CDKAL1: variants seen among roughly 807,000 people sequenced by gnomAD.
CDKAL1 encodes CDKAL1 threonylcarbamoyladenosine tRNA methylthiotransferase.
CDKAL1 carries 32 observed loss-of-function variants against 68.2 expected under a neutral mutation model. The observed-to-expected ratio is 0.47, with a 90% CI of 0.35 to 0.63. CDKAL1 has a LOEUF of 0.63. CDKAL1 is among the 30% of genes least tolerant of loss of function. The pLI is 0.00. For missense variants in CDKAL1, 606 were observed against 696.7 expected (o/e 0.87, Z 1.47); for synonymous variants, 234 against 244.3 (o/e 0.96, Z 0.39).
chr6:20,920,305 A>C (rs192553100), intron 9 of CDKAL1, among the ~76,000 whole-genome samples: 1 of 152,194 alleles, frequency 6.6e-6, no homozygotes, highest in Non-Finnish European at 1.5e-5. Flanking sequence ...CCTACAAGTA[A>C]GAAGTGCAGA....
chr6:20,788,445 C>T (rs1775764160), intron 8 of CDKAL1, among the ~76,000 whole-genome samples: 1 of 152,136 alleles, frequency 6.6e-6, no homozygotes, highest in South Asian at 2.1e-4. Flanking sequence ...GTGGCAGGAA[C>T]CTTAATCTTT....
chr6:20,577,866 A>G (rs2127685725), intron 4 of CDKAL1, among the ~76,000 whole-genome samples: 1 of 152,310 alleles, frequency 6.6e-6, no homozygotes, highest in Admixed American at 6.5e-5. Flanking sequence ...TATTAGTATC[A>G]TGGTATAAGC....
chr6:20,989,962 G>T (rs754879732), intron 10 of CDKAL1, among the ~76,000 whole-genome samples: 1 of 152,056 alleles, frequency 6.6e-6, no homozygotes, highest in African/African-American at 2.4e-5. Flanking sequence ...AATAAAATAG[G>T]CTCGGCGTGG....
chr6:20,788,501 T>C (rs773169408), intron 8 of CDKAL1, among the ~76,000 whole-genome samples: 7 of 152,204 alleles, frequency 4.6e-5, no homozygotes, highest in Admixed American at 6.5e-5. Context: ...GAGAAGGTAG[T>C]AGAATCTATA....
At chr6:20,593,569 T>C (rs1315975084) in intron 4 of CDKAL1, among the ~76,000 whole-genome samples, 5 of 151,824 alleles carry the variant, frequency 3.3e-5, no homozygotes, top group African/African-American at 9.7e-5. Context: ...CTTTTCTTCT[T>C]TATTAGTTTG....
At chr6:20,665,395 C>G (rs141739434) in intron 5 of CDKAL1, among the ~76,000 whole-genome samples, 23 of 152,202 alleles carry the variant, frequency 1.5e-4, no homozygotes, top group African/African-American at 5.5e-4. Context: ...CACAAATATA[C>G]TAGAAGACCT....
chr6:20,862,567 C>G (rs376577487), intron 9 of CDKAL1, among the ~76,000 whole-genome samples: 24 of 152,224 alleles, frequency 1.6e-4, no homozygotes, highest in African/African-American at 5.1e-4. Context: ...AAAGGAGGAA[C>G]AGGAAAAAAT....
rs142988502 is a variant in CDKAL1 at position 20,625,034 on chromosome 6, T to C, written c.287-24259T>C. On this transcript the variant is annotated intron_variant, in intron 4 of 15. Transcript: ENST00000274695. ...GTGATTTCCCAGAATACCTAGCACA[T>C]ATAATTCAAAAAGACAATATTTGTC... 9.5e-3 allele frequency among the ~76,000 whole-genome samples: 1,452 copies of C among 152,150 alleles called. 19 individuals carry two copies. Among genetic ancestry groups the C allele is most frequent in the African/African-American group, 0.031 (1,292 of 41,538 alleles).
chr6:21,063,032 A>T (rs566455338), intron 11 of CDKAL1, among the ~76,000 whole-genome samples: 1 of 152,264 alleles, frequency 6.6e-6, no homozygotes, highest in South Asian at 2.1e-4. Context: ...CTCCTGCCTC[A>T]GCCACCCGAA....
At chr6:20,845,192 T>C (rs1778332321) in intron 8 of CDKAL1, among the ~76,000 whole-genome samples, 1 of 152,218 alleles carries the variant, frequency 6.6e-6, no homozygotes, top group African/African-American at 2.4e-5. Flanking sequence ...TTGTGTACTA[T>C]GGTCTTTTTA....
chr6:21,159,350 T>C, intron 13 of CDKAL1, among the ~76,000 whole-genome samples: 1 of 152,192 alleles, frequency 6.6e-6, no homozygotes, highest in Middle Eastern at 3.2e-3. Flanking sequence ...CCTCTTCTTT[T>C]GCTTGGACTA....
chr6:21,034,209 A>G lies in CDKAL1; in HGVS notation c.1056-30839A>G, dbSNP rs1467045363. Reference sequence around the variant, plus strand: ...AGTTCTAGAAGAATGGGATCTAGCTATAAAGAAAACAGCAAGATTCCAGTT... The same window carrying G: ...AGTTCTAGAAGAATGGGATCTAGCTGTAAAGAAAACAGCAAGATTCCAGTT... On this transcript the variant is annotated intron_variant, in intron 11 of 15. Coordinates refer to ENST00000274695, the MANE Select transcript of CDKAL1 (RefSeq NM_017774.3). Among the ~76,000 whole-genome samples the G allele has an allele frequency of 5.3e-5, 8 of 152,212 alleles. No homozygotes were observed. The East Asian group carries it at 1.3e-3, about 26-fold the overall frequency.
At chr6:20,570,954 A>T (rs1221792396) in intron 4 of CDKAL1, among the ~76,000 whole-genome samples, 3 of 152,108 alleles carry the variant, frequency 2.0e-5, no homozygotes, top group African/African-American at 7.2e-5. Flanking sequence ...TGGTCTCCTT[A>T]TCCTATCTTC....
chr6:21,082,934 C>T (rs1400452461), intron 12 of CDKAL1, among the ~76,000 whole-genome samples: 1 of 146,036 alleles, frequency 6.8e-6, no homozygotes, highest in African/African-American at 2.5e-5. Flanking sequence ...AGTGCAGCGG[C>T]ACAGTCACGG....
chr6:20,602,885 A>C (rs1299049543), intron 4 of CDKAL1, among the ~76,000 whole-genome samples: 1 of 152,182 alleles, frequency 6.6e-6, no homozygotes, highest in Non-Finnish European at 1.5e-5. Flanking sequence ...GAAGATGGTC[A>C]CATCCAGTTT....
In CDKAL1 at chr6:20,607,360, A is replaced by G. The variant is rs575978405; in HGVS notation, c.287-41933A>G. Among the ~76,000 whole-genome samples the G allele has an allele frequency of 2.6e-5, 4 of 152,352 alleles. No homozygotes were observed. The East Asian group carries it at 7.7e-4, about 29-fold the overall frequency. ...TACATAATTTTAAGTGCATATTTTAATTAATTACACATTCTTTTAAATTAT... is the reference window on the plus strand; with the variant it reads ...TACATAATTTTAAGTGCATATTTTAGTTAATTACACATTCTTTTAAATTAT... On this transcript the variant is annotated intron_variant, in intron 4 of 15. Coordinates refer to ENST00000274695, the MANE Select transcript of CDKAL1 (RefSeq NM_017774.3).
intron 11 of CDKAL1, among the ~76,000 whole-genome samples, chr6:21,054,058 T>G (rs751580799): frequency 6.6e-6 from 1 of 152,172 alleles, no homozygotes; most frequent in Non-Finnish European, 1.5e-5. Context: ...TCCTCCCATA[T>G]TTTCTTCTAG....
chr6:20,621,007 T>C (rs2223621), intron 4 of CDKAL1, among the ~76,000 whole-genome samples: 104,069 of 151,934 alleles, frequency 0.68, 36,817 homozygotes, highest in African/African-American at 0.88. Flanking sequence ...CATGTCTCCT[T>C]AGGGTCCTCT....
intron 5 of CDKAL1, among the ~76,000 whole-genome samples, chr6:20,730,713 C>T (rs1772879949): frequency 1.3e-5 from 2 of 151,784 alleles, no homozygotes; most frequent in African/African-American, 4.8e-5. Context: ...GGTGTGGTGG[C>T]ACGTGCCTGT....
Sources: allele counts gnomAD v4.1 joint callset (sites outside exome capture counted in the v4.1 genomes callset), GRCh38; gene constraint gnomAD v4.1.1; transcripts MANE v1.5; gene names NCBI Gene and HGNC (gene_info 2026-07-23, HGNC 2026-07-21).